Variants in FUT9 observed in about 807,000 individuals in gnomAD.
The protein encoded by FUT9 is 4-galactosyl-N-acetylglucosaminide 3-alpha-L-fucosyltransferase 9.
A neutral mutation model predicts 29.7 loss-of-function variants in FUT9; 15 were observed. The observed-to-expected ratio is 0.51, with a 90% CI of 0.34 to 0.78. The LOEUF (loss-of-function observed/expected upper bound fraction) is 0.78. FUT9 is among the 30% of genes least tolerant of loss of function. The pLI is 0.01. For missense variants in FUT9, 319 were observed against 425.4 expected, an observed-to-expected ratio of 0.75 and a Z score of 2.20; for synonymous variants, 169 against 153.7, an observed-to-expected ratio of 1.10 and a Z score of -0.74.
chr6:96,200,645 CA>C (rs1027046396), intron 2 of FUT9, among the ~76,000 whole-genome samples: 1 of 151,978 alleles, frequency 6.6e-6, no homozygotes, highest in African/African-American at 2.4e-5. Context: ...CATTTCAGTT[CA>C]AAAAGGATTT....
In FUT9 at chr6:96,207,944, G is replaced by C. The variant is rs1321897095; in HGVS notation, c.*3709G>C. The C allele has an allele frequency of 6.0e-6, 1 of 166,676 alleles. No homozygotes were observed. 10.3% of individuals were successfully genotyped at this position (166,676 alleles called of 1,614,324 possible). A position where few individuals can be genotyped will look rare whatever the true frequency, so the allele number is the denominator to read the frequency against. On this transcript the variant is annotated 3_prime_UTR_variant, in exon 3 of 3. Transcript: ENST00000302103. ...CCTGACAGTCATATATATTATGACAGCTGTATATCTGACAATATGAAGTAG... is the reference window on the plus strand; with the variant it reads ...CCTGACAGTCATATATATTATGACACCTGTATATCTGACAATATGAAGTAG...
chr6:96,087,608 G>T (rs184478278), intron 1 of FUT9, among the ~76,000 whole-genome samples: 4 of 151,800 alleles, frequency 2.6e-5, no homozygotes, highest in Non-Finnish European at 4.4e-5. Context: ...CTCATGATCC[G>T]CCCACCTCGG....
intron 2 of FUT9, among the ~76,000 whole-genome samples, chr6:96,140,723 T>C (rs1009454704): frequency 5.3e-5 from 8 of 152,140 alleles, no homozygotes; most frequent in Non-Finnish European, 8.8e-5. Context: ...ACTTATTTGC[T>C]GTCACAAGAA....
intron 1 of FUT9, among the ~76,000 whole-genome samples, chr6:96,090,536 C>T (rs2127953694): frequency 6.6e-6 from 1 of 151,344 alleles, no homozygotes; most frequent in East Asian, 1.9e-4. Flanking sequence ...AATTTAAAAA[C>T]TAAAATAAAA....
intron 2 of FUT9, among the ~76,000 whole-genome samples, chr6:96,133,565 A>T (rs890735162): frequency 5.9e-5 from 9 of 151,920 alleles, no homozygotes; most frequent in African/African-American, 1.9e-4. Context: ...CCACATTCTC[A>T]TCTATAAAAT....
intron 1 of FUT9, among the ~76,000 whole-genome samples, chr6:96,102,498 G>A (rs960503383): frequency 1.3e-5 from 2 of 152,050 alleles, no homozygotes; most frequent in East Asian, 3.8e-4. Context: ...TTTCATGTCA[G>A]GTGCTTCTCT....
At chr6:96,041,476 C>G (rs1269118006) in intron 1 of FUT9, among the ~76,000 whole-genome samples, 3 of 152,084 alleles carry the variant, frequency 2.0e-5, no homozygotes, top group African/African-American at 7.2e-5. Context: ...ATGATTTTAT[C>G]TATGGATTTC....
chr6:96,092,738 C>A (rs4240596), intron 1 of FUT9, among the ~76,000 whole-genome samples: 102,888 of 151,898 alleles, frequency 0.68, 36,544 homozygotes, highest in East Asian at 0.84. Context: ...GGTCAAATTC[C>A]GTCATTTTTC....
At chr6:96,118,204 C>CAAAAAAAA (rs71012538) in intron 2 of FUT9, among the ~76,000 whole-genome samples, 1 of 136,790 alleles carries the variant, frequency 7.3e-6, no homozygotes, top group African/African-American at 2.8e-5. Context: ...GAGTCTGTCT[C>CAAAAAAAA]AAAAAAAAAA....
At chr6:96,048,189 A>G (rs1454428253) in intron 1 of FUT9, among the ~76,000 whole-genome samples, 2 of 152,178 alleles carry the variant, frequency 1.3e-5, no homozygotes, top group African/African-American at 4.8e-5. Flanking sequence ...TGGGCCCTCC[A>G]GAAAATCCAG....
intron 1 of FUT9, among the ~76,000 whole-genome samples, chr6:96,105,075 G>A (rs938053113): frequency 2.0e-5 from 3 of 152,168 alleles, no homozygotes; most frequent in Non-Finnish European, 2.9e-5. Context: ...AATAAGTTCA[G>A]AAGAATGTGG....
At position 96,039,096 on chromosome 6, in the gene FUT9, G is replaced by GT. The variant is rs559888775; in HGVS notation, c.-98+22885dup. 4.7e-3 allele frequency among the ~76,000 whole-genome samples: 715 copies of GT among 152,190 alleles called. 5 individuals carry two copies. The highest frequency in any genetic ancestry group is 0.017 in the African/African-American group (694 of 41,500). ...TTTCTGCATTGAATAATCTCTAAGA[G>GT]TAGATGCATGACTTTCCTTTTGGTA... On this transcript the variant is annotated intron_variant, in intron 1 of 2. Transcript: ENST00000302103.
At chr6:96,187,302 T>C (rs1294778907) in intron 2 of FUT9, among the ~76,000 whole-genome samples, 1 of 152,124 alleles carries the variant, frequency 6.6e-6, no homozygotes, top group Non-Finnish European at 1.5e-5. Flanking sequence ...GAAAGTTTGA[T>C]TCAGATAGTC....
intron 1 of FUT9, among the ~76,000 whole-genome samples, chr6:96,061,664 C>T (rs1335865870): frequency 1.3e-5 from 2 of 152,058 alleles, no homozygotes; most frequent in Non-Finnish European, 2.9e-5. Flanking sequence ...TCTTTTTCCT[C>T]TTAGACTCAT....
At chr6:96,089,662 C>T (rs1771377961) in intron 1 of FUT9, among the ~76,000 whole-genome samples, 1 of 152,102 alleles carries the variant, frequency 6.6e-6, no homozygotes, top group African/African-American at 2.4e-5. Flanking sequence ...ACTAAGCTTT[C>T]AGCATATTGA....
At chr6:96,158,129 G>T (rs1327701993) in intron 2 of FUT9, among the ~76,000 whole-genome samples, 3 of 152,028 alleles carry the variant, frequency 2.0e-5, no homozygotes, top group Admixed American at 6.5e-5. Context: ...TTACTATAAT[G>T]TTTACAATGT....
chr6:96,151,448 T>C (rs1337835407), intron 2 of FUT9, among the ~76,000 whole-genome samples: 1 of 152,174 alleles, frequency 6.6e-6, no homozygotes, highest in East Asian at 1.9e-4. Context: ...ATGAAATTGT[T>C]TTCCTGTTAT....
intron 2 of FUT9, among the ~76,000 whole-genome samples, chr6:96,161,573 A>G (rs1470923548): frequency 1.3e-5 from 2 of 152,208 alleles, no homozygotes; most frequent in Admixed American, 1.3e-4. Context: ...CTTTTGAAGA[A>G]TTTAAATAGT....
intron 1 of FUT9, among the ~76,000 whole-genome samples, chr6:96,111,540 AAC>A (rs66491542): frequency 0.1 from 14,935 of 145,394 alleles, 1,087 homozygotes; most frequent in African/African-American, 0.22. Context: ...TGATTTGGGA[AAC>A]ACACACACAC....
Sources: gnomAD v4.1 joint callset for allele counts (sites outside exome capture counted in the v4.1 genomes callset) on GRCh38, gnomAD v4.1.1 for gene constraint, MANE v1.5 for transcripts, NCBI Gene and HGNC (gene_info 2026-07-23, HGNC 2026-07-21) for gene names.